Variants in SARM1 observed in about 807,000 individuals in gnomAD.
SARM1 encodes sterile alpha and TIR motif containing 1.
SARM1 carries 60 observed loss-of-function variants against 65.1 expected under a neutral mutation model. The ratio of observed to expected loss-of-function variants is 0.92; its 90% CI spans 0.75 to 1.14. The LOEUF is 1.14. SARM1 is among the 50% of genes most tolerant of loss of function. The pLI is 0.00. For synonymous variants in SARM1, 417 were observed against 465.4 expected (o/e 0.90, Z 1.34); for missense variants, 913 against 1,015.7 (o/e 0.90, Z 1.37).
At chr17:28,379,414 C>T (rs1555584926) in intron 1 of SARM1, among the ~76,000 whole-genome samples, 1 of 149,288 alleles carries the variant, frequency 6.7e-6, no homozygotes, top group Non-Finnish European at 1.5e-5. Context: ...GGGTTCACAC[C>T]AGTTTCCTGC....
Position 28,381,440 on chromosome 17 carries a change from CG to C in SARM1, c.713del (p.Gly238AlafsTer9). ...ALALGNCALH[G>X]GQAVQRRMVE... ...TGGCGCTGGGCAACTGCGCGCTGCA[CG>C]GGGGCCAGGCGGTGCAGCGACGCAT... On this transcript the variant is annotated frameshift_variant, in exon 2 of 9. Transcript: ENST00000585482. LOFTEE classifies it high-confidence loss of function. 6.5e-7 allele frequency: 1 copy of C among 1,546,092 alleles called. No homozygotes were observed. Among genetic ancestry groups the C allele is most frequent in the Non-Finnish European group, 8.7e-7 (1 of 1,145,320 alleles).
chr17:28,377,343 G>A (rs1277929917), intron 1 of SARM1, among the ~76,000 whole-genome samples: 1 of 119,812 alleles, frequency 8.3e-6, no homozygotes, highest in East Asian at 3.2e-4. Context: ...TATTCCCAGC[G>A]CTTTGGGAGG....
rs1555589253 is a variant in SARM1 at position 28,400,362 on chromosome 17, A to G, written c.*4076A>G. ...TGGAGGGAAATAGGGGAACTGGGAGAGAGAACACAGCCTTGCCAAGCAGCA... is the reference window on the plus strand; with the variant it reads ...TGGAGGGAAATAGGGGAACTGGGAGGGAGAACACAGCCTTGCCAAGCAGCA... On this transcript the variant is annotated 3_prime_UTR_variant, in exon 9 of 9. Coordinates refer to ENST00000585482, the MANE Select transcript of SARM1 (RefSeq NM_015077.4). The G allele has an allele frequency of 4.0e-6, 2 of 502,844 alleles. No individual in the cohort carries two copies. Among genetic ancestry groups the G allele is most frequent in the East Asian group, 7.3e-5 (2 of 27,458 alleles). The allele number at this position is 502,844 out of a possible 1,614,324, so 31.1% of individuals were successfully genotyped here.
rs1251578080 is a variant in SARM1 at position 28,391,600 on chromosome 17, A to C, written c.1923+3061A>C. Among the ~76,000 whole-genome samples, 5 of 151,946 alleles carry C rather than the reference A, an allele frequency of 3.3e-5. No individual in the cohort carries two copies. The East Asian group carries it at 9.7e-4, about 29-fold the overall frequency. ...TGGCAGGCAGCCTTTTGAGAGAAAGAAAAGAGTGTCTGTGAGCTCCATGAG... is the reference window on the plus strand; with the variant it reads ...TGGCAGGCAGCCTTTTGAGAGAAAGCAAAGAGTGTCTGTGAGCTCCATGAG... On this transcript the variant is annotated intron_variant, in intron 7 of 8. Transcript: ENST00000585482.
rs1178965977 is a variant in SARM1 at position 28,400,085 on chromosome 17, A to G, written c.*3799A>G. On this transcript the variant is annotated 3_prime_UTR_variant, in exon 9 of 9. Transcript: ENST00000585482. ...ATTTTTTAAATTTTTTATACAGACA[A>G]GGTCTTGCTATGTTGCCCAGGCTGA... The G allele has an allele frequency of 1.5e-5, 4 of 267,832 alleles. No homozygotes were observed. The highest frequency in any genetic ancestry group is 1.3e-3 in the Middle Eastern group (1 of 744). The allele number at this position is 267,832 out of a possible 1,614,324, so 16.6% of individuals were successfully genotyped here. A position where few individuals can be genotyped will look rare whatever the true frequency, so the allele number is the denominator to read the frequency against.
At chr17:28,394,993 G>T (rs1340218708) in intron 7 of SARM1, 1 of 148,912 alleles carries the variant, frequency 6.7e-6, no homozygotes, top group East Asian at 2.0e-4. Flanking sequence ...TATCTCTGGT[G>T]CCATTTGGTC....
rs2068057000 is a variant in SARM1, at chr17:28,387,381, G to A, written c.1631-793G>A. On this transcript the variant is annotated intron_variant, in intron 5 of 8. Transcript: ENST00000585482. ...CCAAGTAGCTAGATTACAGACATGT[G>A]CCACCATGCCTGGATAATTTTTTGT... Among the ~76,000 whole-genome samples the A allele has an allele frequency of 3.3e-5, 5 of 152,032 alleles. No homozygotes were observed. The South Asian group carries it at 1.0e-3, about 32-fold the overall frequency.
At chr17:28,383,941 T>G (rs1433139409) in intron 2 of SARM1, among the ~76,000 whole-genome samples, 1 of 152,136 alleles carries the variant, frequency 6.6e-6, no homozygotes, top group Non-Finnish European at 1.5e-5. Context: ...GGAAACATAG[T>G]GGGCCAAGAC....
At chr17:28,394,389 C>G (rs551405751) in intron 7 of SARM1, among the ~76,000 whole-genome samples, 10 of 152,304 alleles carry the variant, frequency 6.6e-5, no homozygotes, top group Non-Finnish European at 1.2e-4. Flanking sequence ...CATGATGGAT[C>G]AACCTGTACG....
At chr17:28,388,766 CT>C (rs371410539) in intron 7 of SARM1, among the ~76,000 whole-genome samples, 277 of 135,814 alleles carry the variant, frequency 2.0e-3, no homozygotes, top group Admixed American at 2.4e-3. Flanking sequence ...TTTTCTTTTT[CT>C]TTTTTTTTTT....
intron 2 of SARM1, among the ~76,000 whole-genome samples, chr17:28,382,833 C>A (rs537434636): frequency 0.093 from 14 of 150 alleles, no homozygotes; most frequent in African/African-American, 0.18. Flanking sequence ...ACTACAAGCA[C>A]GCACCACAAT....
Position 28,401,067 on chromosome 17 carries a change from G to A in SARM1, c.*4781G>A. On this transcript the variant is annotated 3_prime_UTR_variant, in exon 9 of 9. Coordinates refer to ENST00000585482, the MANE Select transcript of SARM1 (RefSeq NM_015077.4). The stretch of plus-strand genomic sequence containing the variant: ...AAAAGTACATGTGATATTGTCTGAT[G>A]AAAGCTTGATGGAAATGGCTTTTTT... The A allele has an allele frequency of 2.5e-6, 1 of 394,640 alleles. No homozygotes were observed. The highest frequency in any genetic ancestry group is 4.8e-6 in the Non-Finnish European group (1 of 208,808). 24.4% of individuals were successfully genotyped at this position (394,640 alleles called of 1,614,324 possible).
intron 7 of SARM1, 33 bp downstream of exon 7, chr17:28,388,572 C>T (rs1555586463): frequency 3.8e-6 from 6 of 1,597,750 alleles, no homozygotes; most frequent in Non-Finnish European, 5.1e-6. Flanking sequence ...GCGGTCCCAG[C>T]ATTGGCCTGT....
chr17:28,391,918 C>T (rs2068082662), intron 7 of SARM1, among the ~76,000 whole-genome samples: 1 of 144,006 alleles, frequency 6.9e-6, no homozygotes, highest in Non-Finnish European at 1.5e-5. Context: ...TAGGGTTTCG[C>T]TATGTCACCC....
chr17:28,394,046 G>A (rs1487281811), intron 7 of SARM1, among the ~76,000 whole-genome samples: 1 of 152,216 alleles, frequency 6.6e-6, no homozygotes, highest in Admixed American at 6.5e-5. Context: ...TGGGAGGACA[G>A]GGCAGGGGTA....
At chr17:28,375,859 AC>A (rs1240357999) in intron 1 of SARM1, among the ~76,000 whole-genome samples, 1 of 151,812 alleles carries the variant, frequency 6.6e-6, no homozygotes, top group Non-Finnish European at 1.5e-5. Context: ...TCTCAACCAG[AC>A]CCCCTCTCTG....
chr17:28,374,269 C>G (rs1597814884), intron 1 of SARM1: 1 of 106,094 alleles, frequency 9.4e-6, no homozygotes, highest in Non-Finnish European at 1.8e-5. Context: ...GATGACAGAG[C>G]AAGACTCGTC....
Position 28,402,368 on chromosome 17 carries a change from G to A in SARM1, c.*6082G>A, listed in dbSNP as rs551547051. 40 of 1,526,964 alleles carry A rather than the reference G, an allele frequency of 2.6e-5. No homozygotes were observed. In the East Asian group the frequency reaches 4.3e-4, roughly 17 times the overall value. The allele number at this position is 1,526,964 out of a possible 1,614,324, so 94.6% of individuals were successfully genotyped here. A position where few individuals can be genotyped will look rare whatever the true frequency, so the allele number is the denominator to read the frequency against. The stretch of plus-strand genomic sequence containing the variant: ...TCAGGAAAATGGGGCTGGGGAGAGG[G>A]GCGTCCAAGGGAAAGGCAGCAGAGC... On this transcript the variant is annotated 3_prime_UTR_variant, in exon 9 of 9. Transcript: ENST00000585482.
At chr17:28,394,460 C>T (rs1555587346) in intron 7 of SARM1, among the ~76,000 whole-genome samples, 1 of 152,258 alleles carries the variant, frequency 6.6e-6, no homozygotes, top group Non-Finnish European at 1.5e-5. Flanking sequence ...ACACTAACCA[C>T]TAATTCTCCA....
Sources: gnomAD v4.1 joint callset for allele counts (sites outside exome capture counted in the v4.1 genomes callset) on GRCh38, gnomAD v4.1.1 for gene constraint, MANE v1.5 for transcripts, NCBI Gene and HGNC (gene_info 2026-07-23, HGNC 2026-07-21) for gene names.